Variants in LRP2 observed in about 807,000 individuals in gnomAD.
LRP2 encodes low-density lipoprotein receptor-related protein 2.
A neutral mutation model predicts 531.0 loss-of-function variants in LRP2; 172 were observed. The observed-to-expected ratio is 0.32, with a 90% confidence interval of 0.29 to 0.37. The LOEUF (loss-of-function observed/expected upper bound fraction) is 0.37. Among genes scored for constraint, LRP2 ranks in the 10% least tolerant of loss-of-function variants. The pLI is 1.00. For missense variants in LRP2, 5,167 were observed against 5,868.3 expected (o/e 0.88, Z 3.90); for synonymous variants, 1,992 against 2,027.6 (o/e 0.98, Z 0.47).
Position 169,201,958 on chromosome 2 carries a change from C to T in LRP2, c.8210-88G>A, listed in dbSNP as rs1179157819. Reference sequence around the variant, plus strand: ...AAGATACAATTAAATAAAAGAGACACTTTGAATTTACCTTCCAAGGCAAAA... The same window carrying T: ...AAGATACAATTAAATAAAAGAGACATTTTGAATTTACCTTCCAAGGCAAAA... On this transcript the variant is annotated intron_variant, in intron 43 of 78. Transcript: ENST00000649046. The T allele has an allele frequency of 7.1e-6, 11 of 1,542,870 alleles. No individual in the cohort carries two copies. The Admixed American group carries it at 1.2e-4, about 17-fold the overall frequency.
chr2:169,210,640 G>C lies in LRP2; in HGVS notation c.6281-999C>G, dbSNP rs569153668. On this transcript the variant is annotated intron_variant, in intron 37 of 78. Coordinates refer to ENST00000649046, the MANE Select transcript of LRP2 (RefSeq NM_004525.3). ...ACATCAATGTCATAGCAAAAAGCTA[G>C]AGGCAACTACTCCAAACTGGAAGAA... Among the ~76,000 whole-genome samples the C allele has an allele frequency of 3.3e-5, 5 of 152,272 alleles. No individual in the cohort carries two copies. In the East Asian group the frequency reaches 9.6e-4, roughly 29 times the overall value.
At chr2:169,213,177 CA>C (rs1485964713) in intron 36 of LRP2, among the ~76,000 whole-genome samples, 1 of 152,038 alleles carries the variant, frequency 6.6e-6, no homozygotes, top group Non-Finnish European at 1.5e-5. Context: ...AGGCAACATC[CA>C]AAAGCATTCT....
intron 49 of LRP2, among the ~76,000 whole-genome samples, chr2:169,186,656 C>T (rs923920953): frequency 2.0e-5 from 3 of 152,192 alleles, no homozygotes; most frequent in Non-Finnish European, 2.9e-5. Flanking sequence ...TCACTGTGCA[C>T]CCCCAAACAA....
At chr2:169,309,434 C>T (rs1474699620) in intron 3 of LRP2, among the ~76,000 whole-genome samples, 3 of 152,188 alleles carry the variant, frequency 2.0e-5, no homozygotes, top group Non-Finnish European at 4.4e-5. Context: ...TTTCAGCTTT[C>T]TACATATGGC....
chr2:169,193,689 A>C, intron 47 of LRP2, 72 bp downstream of exon 47: 2 of 1,596,854 alleles, frequency 1.3e-6, no homozygotes, highest in South Asian at 2.2e-5. Context: ...ATACTCTCCA[A>C]ACACAGAAAA....
At chr2:169,288,620 C>T (rs1363664723) in intron 9 of LRP2, among the ~76,000 whole-genome samples, 1 of 152,094 alleles carries the variant, frequency 6.6e-6, no homozygotes, top group African/African-American at 2.4e-5. Context: ...GGAGAAGAGG[C>T]CAGGGGAGCA....
At chr2:169,167,418 G>A (rs1374239745) in intron 61 of LRP2, among the ~76,000 whole-genome samples, 1 of 152,164 alleles carries the variant, frequency 6.6e-6, no homozygotes, top group Non-Finnish European at 1.5e-5. Context: ...CAACAGGAGT[G>A]CTTCTCCAGG....
intron 52 of LRP2, among the ~76,000 whole-genome samples, chr2:169,179,743 A>G (rs1235119808): frequency 6.6e-6 from 1 of 151,620 alleles, no homozygotes; most frequent in Non-Finnish European, 1.5e-5. Context: ...TAAGAGTAGA[A>G]CTACAGGCAC....
intron 50 of LRP2, among the ~76,000 whole-genome samples, chr2:169,183,937 T>G (rs1687533065): frequency 6.6e-6 from 1 of 152,188 alleles, no homozygotes; most frequent in Admixed American, 6.5e-5. Context: ...ATTCTGCCTT[T>G]GTGTTTTCAG....
chr2:169,299,947 T>C (rs1684245288), intron 4 of LRP2, among the ~76,000 whole-genome samples: 1 of 152,118 alleles, frequency 6.6e-6, no homozygotes, highest in Non-Finnish European at 1.5e-5. Context: ...TGAATGTCAA[T>C]ATCCTAGAAA....
chr2:169,313,739 T>C (rs933295141), intron 3 of LRP2, among the ~76,000 whole-genome samples: 18 of 151,948 alleles, frequency 1.2e-4, no homozygotes, highest in African/African-American at 4.3e-4. Context: ...CAAAGCTCAG[T>C]TGGAAATGCA....
At chr2:169,189,357 A>G (rs1687751378) in intron 48 of LRP2, among the ~76,000 whole-genome samples, 1 of 152,202 alleles carries the variant, frequency 6.6e-6, no homozygotes, top group Non-Finnish European at 1.5e-5. Flanking sequence ...AAATGTGTGC[A>G]TGTAATTGTG....
At chr2:169,338,359 G>GGAAGGAAAGAAAGAAA (rs1685467215) in intron 1 of LRP2, among the ~76,000 whole-genome samples, 5 of 76,636 alleles carry the variant, frequency 6.5e-5, no homozygotes, top group African/African-American at 1.6e-4. Flanking sequence ...AAAGAAAGAA[G>GGAAGGAAAGAAAGAAA]GAAAGAAAGA....
chr2:169,359,869 A>T (rs1225899667), intron 1 of LRP2, among the ~76,000 whole-genome samples: 2 of 152,128 alleles, frequency 1.3e-5, no homozygotes, highest in Non-Finnish European at 2.9e-5. Flanking sequence ...CACACCTGTA[A>T]TCCTAGCACT....
In LRP2 at chr2:169,294,598, A is replaced by C. The variant is rs764086211; in HGVS notation, c.538+2T>G. 1 of 1,598,424 alleles carries C rather than the reference A, an allele frequency of 6.3e-7. No individual in the cohort carries two copies. Among genetic ancestry groups the C allele is most frequent in the Admixed American group, 1.7e-5 (1 of 59,930 alleles). ...ACTGCACATCTTGTGCACAATACTT[A>C]CTGCAGTTGATTTCATCTGAGGAGT... On this transcript the variant is annotated splice_donor_variant, in intron 5 of 78. Coordinates refer to ENST00000649046, the MANE Select transcript of LRP2 (RefSeq NM_004525.3). LOFTEE classifies it high-confidence loss of function.
In LRP2 at chr2:169,233,516, C is replaced by T. The variant is rs775612722; in HGVS notation, c.4993G>A (p.Val1665Ile). 5 of 1,614,100 alleles carry T rather than the reference C, an allele frequency of 3.1e-6. No individual in the cohort carries two copies. The highest frequency in any genetic ancestry group is 1.7e-5 in the Admixed American group (1 of 60,022). ...CCATGCCACTTGTTGGCTCGCATAA[C>T]CCGACGAGTAGCACGGTCAGTCCAG... Reference protein sequence around the residue: ...VYWTDRATRRVMRANKWHGGN... With the variant: ...VYWTDRATRRIMRANKWHGGN... The change falls in exon 30 of 79, where the codon GTT becomes ATT. Residue 1665 changes from valine (V) to isoleucine (I), a missense_variant. Physicochemically the swap from Val to Ile is conservative, Grantham distance 29. Coordinates refer to ENST00000649046, the MANE Select transcript of LRP2 (RefSeq NM_004525.3).
At chr2:169,143,079 T>G (rs775979500) in intron 70 of LRP2, among the ~76,000 whole-genome samples, 1 of 152,150 alleles carries the variant, frequency 6.6e-6, no homozygotes, top group Non-Finnish European at 1.5e-5. Flanking sequence ...GGAAGGTGGG[T>G]ATCTGGTTCA....
In LRP2 at chr2:169,162,615, C is replaced by A. The variant is rs934845121; in HGVS notation, c.11759-15G>T. 1.2e-6 allele frequency: 2 copies of A among 1,613,784 alleles called. No homozygotes were observed. Among genetic ancestry groups the A allele is most frequent in the African/African-American group, 1.3e-5 (1 of 74,916 alleles). ...CGGTTTTCTACCTGCAATGTAAAAA[C>A]AAGTTAAAATCAAAACTTTTTCTTT... On this transcript the variant is annotated splice_polypyrimidine_tract_variant and intron_variant, in intron 62 of 78. Transcript: ENST00000649046.
chr2:169,217,617 C>G (rs949371518), intron 34 of LRP2, among the ~76,000 whole-genome samples: 1 of 151,996 alleles, frequency 6.6e-6, no homozygotes, highest in Non-Finnish European at 1.5e-5. Flanking sequence ...TTTCAGGGTA[C>G]CAAGAGTTTC....
Sources: allele counts gnomAD v4.1 joint callset (sites outside exome capture counted in the v4.1 genomes callset), GRCh38; gene constraint gnomAD v4.1.1; transcripts MANE v1.5; gene names NCBI Gene and HGNC (gene_info 2026-07-23, HGNC 2026-07-21).